Variants in KIRREL3 observed in about 807,000 individuals in gnomAD.
KIRREL3 encodes kin of IRRE-like protein 3.
Under a neutral mutation model 89.7 loss-of-function variants are expected in KIRREL3, and 36 were observed. The observed-to-expected ratio is 0.40, with a 90% CI of 0.31 to 0.53. The LOEUF is 0.53. Ranked by LOEUF, KIRREL3 falls within the 20% of genes least tolerant of loss-of-function variation. KIRREL3 has a pLI of 0.49. For synonymous variants in KIRREL3, 445 were observed against 441.4 expected (o/e 1.01, Z -0.10); for missense variants, 864 against 1,056.6 (o/e 0.82, Z 2.53).
chr11:126,907,722 A>T (rs1208561644), intron 1 of KIRREL3, among the ~76,000 whole-genome samples: 1 of 152,118 alleles, frequency 6.6e-6, no homozygotes, highest in Non-Finnish European at 1.5e-5. Context: ...AGGAAATGAG[A>T]CTGAAGTGAC....
intron 15 of KIRREL3, among the ~76,000 whole-genome samples, chr11:126,426,467 CT>C (rs1173074477): frequency 2.6e-5 from 4 of 152,156 alleles, no homozygotes; most frequent in African/African-American, 7.2e-5. Context: ...TTGCCAATGC[CT>C]AGCACAGTGC....
rs545233349 is a variant in KIRREL3, at chr11:126,649,977, A to C, written c.56-87065T>G. The stretch of plus-strand genomic sequence containing the variant: ...CTGAAATCTAGGTGGAGGTTCCCAA[A>C]CCCCAATTCTTGACTTCTGTGCACT... On this transcript the variant is annotated intron_variant, in intron 1 of 16. Coordinates refer to ENST00000525144, the MANE Select transcript of KIRREL3 (RefSeq NM_032531.4). Among the ~76,000 whole-genome samples, 24 of 152,272 alleles carry C rather than the reference A, an allele frequency of 1.6e-4. 1 individual carries two copies. Among genetic ancestry groups the C allele is most frequent in the Admixed American group, 2.6e-4 (4 of 15,310 alleles).
intron 1 of KIRREL3, among the ~76,000 whole-genome samples, chr11:126,665,818 C>T (rs2135034868): frequency 6.6e-6 from 1 of 152,372 alleles, no homozygotes. Context: ...TGAGGTCTGC[C>T]TGCAACACTT....
chr11:126,494,094 A>G (rs910413804), intron 4 of KIRREL3, among the ~76,000 whole-genome samples: 1 of 152,264 alleles, frequency 6.6e-6, no homozygotes, highest in Non-Finnish European at 1.5e-5. Context: ...TCACAATTTT[A>G]AGTAAAGACA....
intron 2 of KIRREL3, among the ~76,000 whole-genome samples, chr11:126,529,176 G>A (rs1958861710): frequency 6.6e-6 from 1 of 152,164 alleles, no homozygotes; most frequent in Admixed American, 6.5e-5. Flanking sequence ...GGAGGTACTG[G>A]GTGAGGGCCC....
chr11:126,900,972 A>T lies in KIRREL3; in HGVS notation c.55+99483T>A, dbSNP rs1946345676. ...AGGATACTCAAGTTATAAATCAATG[A>T]CAAAGACCAACAGTAAGTGGATCAC... On this transcript the variant is annotated intron_variant, in intron 1 of 16. Transcript: ENST00000525144. The surrounding 1 kb of genome is among the most constrained non-coding windows in gnomAD (Gnocchi z 4.4). Among the ~76,000 whole-genome samples, 1 of 152,174 alleles carries T rather than the reference A, an allele frequency of 6.6e-6. No individual in the cohort carries two copies. The highest frequency in any genetic ancestry group is 2.4e-5 in the African/African-American group (1 of 41,450).
At chr11:126,478,818 T>C (rs1405509834) in intron 4 of KIRREL3, among the ~76,000 whole-genome samples, 2 of 152,008 alleles carry the variant, frequency 1.3e-5, no homozygotes, top group African/African-American at 2.4e-5. Flanking sequence ...TTGGGTACAG[T>C]TGGGAACGGG....
chr11:126,993,622 A>G lies in KIRREL3; in HGVS notation c.55+6833T>C, dbSNP rs1237264345. 1.3e-5 allele frequency among the ~76,000 whole-genome samples: 2 copies of G among 152,196 alleles called. No homozygotes were observed. The highest frequency in any genetic ancestry group is 2.9e-5 in the Non-Finnish European group (2 of 68,042). Reference sequence around the variant, plus strand: ...AGACTAAGAGCTCTGGGGCAGAAACATGGTCTTCATTATCTTTGCATCAAA... The same window carrying G: ...AGACTAAGAGCTCTGGGGCAGAAACGTGGTCTTCATTATCTTTGCATCAAA... On this transcript the variant is annotated intron_variant, in intron 1 of 16. Transcript: ENST00000525144. This position sits in a 1 kb window ranked among gnomAD's most constrained non-coding sequence, Gnocchi z 6.1.
At chr11:126,967,682 C>T (rs1288060126) in intron 1 of KIRREL3, among the ~76,000 whole-genome samples, 1 of 152,014 alleles carries the variant, frequency 6.6e-6, no homozygotes, top group East Asian at 1.9e-4. Context: ...TGAAAGTGAG[C>T]CCTGGGCTCT....
intron 1 of KIRREL3, among the ~76,000 whole-genome samples, chr11:126,599,551 A>G (rs1942553263): frequency 1.3e-5 from 2 of 152,164 alleles, no homozygotes. Context: ...AGAGGCCCAC[A>G]TAGAAAGTAG....
At position 126,492,903 on chromosome 11, in the gene KIRREL3, G is replaced by A. The variant is rs1464064343; in HGVS notation, c.434-19437C>T. On this transcript the variant is annotated intron_variant, in intron 4 of 16. Transcript: ENST00000525144. The surrounding 1 kb of genome is among the most constrained non-coding windows in gnomAD (Gnocchi z 4.8). Reference sequence around the variant, plus strand: ...CTCCAGAAAAGACAGACCAGGGGATGAGGGTGGAGGAATTAAGTTAGACAT... The same window carrying A: ...CTCCAGAAAAGACAGACCAGGGGATAAGGGTGGAGGAATTAAGTTAGACAT... 1.3e-5 allele frequency among the ~76,000 whole-genome samples: 2 copies of A among 152,160 alleles called. No individual in the cohort carries two copies. The highest frequency in any genetic ancestry group is 2.9e-5 in the Non-Finnish European group (2 of 68,038).
At position 126,877,478 on chromosome 11, in the gene KIRREL3, C is replaced by CCACT. The variant is rs1348890484; in HGVS notation, c.55+122973_55+122976dup. On this transcript the variant is annotated intron_variant, in intron 1 of 16. Coordinates refer to ENST00000525144, the MANE Select transcript of KIRREL3 (RefSeq NM_032531.4). This position sits in a 1 kb window ranked among gnomAD's most constrained non-coding sequence, Gnocchi z 4.9. Reference sequence around the variant, plus strand: ...CTGCAATGGAAAGAATCTCTTTCCTCCACTCACTCACTTCCCTCCCCAACT... The same window carrying CCACT: ...CTGCAATGGAAAGAATCTCTTTCCTCCACTCACTCACTCACTTCCCTCCCCAACT... Among the ~76,000 whole-genome samples the CCACT allele has an allele frequency of 1.7e-4, 26 of 152,158 alleles. No individual in the cohort carries two copies. The highest frequency in any genetic ancestry group is 1.7e-3 in the Admixed American group (26 of 15,276).
At chr11:126,850,232 C>A (rs1448844677) in intron 1 of KIRREL3, among the ~76,000 whole-genome samples, 2 of 152,210 alleles carry the variant, frequency 1.3e-5, no homozygotes, top group South Asian at 4.1e-4. Flanking sequence ...TTTTGAGCAC[C>A]ATGACCACCC....
intron 1 of KIRREL3, among the ~76,000 whole-genome samples, chr11:126,662,677 T>C (rs1945461610): frequency 6.6e-6 from 1 of 152,234 alleles, no homozygotes; most frequent in African/African-American, 2.4e-5. Context: ...ACTGTCACGT[T>C]GGCAACACCT....
chr11:126,777,676 TG>T (rs1193226081), intron 1 of KIRREL3, among the ~76,000 whole-genome samples: 1 of 152,216 alleles, frequency 6.6e-6, no homozygotes, highest in East Asian at 1.9e-4. Context: ...CAGACCCCTT[TG>T]TGAACACATA....
In KIRREL3 at chr11:126,501,132, GC is replaced by G. The variant is rs1356329749; in HGVS notation, c.433+20182del. ...TTGTGCGAGGCAGGATATCTCCAGT[GC>G]AAGGACACTACTGGTGGACAGCTGG... On this transcript the variant is annotated intron_variant, in intron 4 of 16. Coordinates refer to ENST00000525144, the MANE Select transcript of KIRREL3 (RefSeq NM_032531.4). The surrounding 1 kb of genome is among the most constrained non-coding windows in gnomAD (Gnocchi z 5.8). Among the ~76,000 whole-genome samples the G allele has an allele frequency of 1.3e-5, 2 of 152,176 alleles. No individual in the cohort carries two copies. Among genetic ancestry groups the G allele is most frequent in the African/African-American group, 4.8e-5 (2 of 41,440 alleles).
chr11:126,571,761 T>C lies in KIRREL3; in HGVS notation c.56-8849A>G, dbSNP rs1229229463. 6.7e-6 allele frequency among the ~76,000 whole-genome samples: 1 copy of C among 150,248 alleles called. No homozygotes were observed. Among genetic ancestry groups the C allele is most frequent in the Admixed American group, 6.7e-5 (1 of 14,992 alleles). ...CAGTATAATCCGTTTGTGAGAGGGG[T>C]GGGGCGGGGGGATGTTAAATAATGT... On this transcript the variant is annotated intron_variant, in intron 1 of 16. Coordinates refer to ENST00000525144, the MANE Select transcript of KIRREL3 (RefSeq NM_032531.4). The surrounding 1 kb of genome is among the most constrained non-coding windows in gnomAD (Gnocchi z 7.7).
rs1940546001 is a variant in KIRREL3 at position 126,566,674 on chromosome 11, T to C, written c.56-3762A>G. On this transcript the variant is annotated intron_variant, in intron 1 of 16. Coordinates refer to ENST00000525144, the MANE Select transcript of KIRREL3 (RefSeq NM_032531.4). The surrounding 1 kb of genome is among the most constrained non-coding windows in gnomAD (Gnocchi z 4.9). ...AAATAAAAGGGGATGGCTTTTTAAA[T>C]GGGATGGGTTTTCTTCCATTTCAGA... 6.6e-6 allele frequency among the ~76,000 whole-genome samples: 1 copy of C among 152,194 alleles called. No homozygotes were observed. The highest frequency in any genetic ancestry group is 1.5e-5 in the Non-Finnish European group (1 of 68,024).
chr11:126,724,552 A>G lies in KIRREL3; in HGVS notation c.56-161640T>C, dbSNP rs80126135. 0.015 allele frequency among the ~76,000 whole-genome samples: 2,322 copies of G among 152,302 alleles called. 60 individuals are homozygous for G. The highest frequency in any genetic ancestry group is 0.052 in the African/African-American group (2,165 of 41,574). On this transcript the variant is annotated intron_variant, in intron 1 of 16. Coordinates refer to ENST00000525144, the MANE Select transcript of KIRREL3 (RefSeq NM_032531.4). This position sits in a 1 kb window ranked among gnomAD's most constrained non-coding sequence, Gnocchi z 4.3. Reference sequence around the variant, plus strand: ...AGATGGGTGGGCTCCATGAATTTCCAGCTGAAGCAACACGTTTCTGTCCCC... The same window carrying G: ...AGATGGGTGGGCTCCATGAATTTCCGGCTGAAGCAACACGTTTCTGTCCCC...
Sources: gnomAD v4.1 joint callset for allele counts (sites outside exome capture counted in the v4.1 genomes callset) on GRCh38, gnomAD v4.1.1 for gene constraint, Gnocchi (gnomAD v3.1) non-coding constraint, MANE v1.5 for transcripts, NCBI Gene and HGNC (gene_info 2026-07-23, HGNC 2026-07-21) for gene names.